The following DCP1B variants were observed in gnomAD, a reference collection of about 807,000 sequenced individuals.
DCP1B encodes the protein decapping mRNA 1B.
A neutral mutation model predicts 60.5 loss-of-function variants in DCP1B; 47 were observed. The ratio of observed to expected loss-of-function variants is 0.78; its 90% CI spans 0.61 to 0.99. The LOEUF is 0.99. DCP1B is among the 50% of genes least tolerant of loss of function. The pLI, the probability that DCP1B is intolerant of heterozygous loss-of-function variation, is 0.00. For missense variants in DCP1B, 725 were observed against 756.8 expected (o/e 0.96, Z 0.49); for synonymous variants, 267 against 280.3 (o/e 0.95, Z 0.47).
chr12:1,969,448 G>GTTC (rs1005550695), intron 3 of DCP1B, among the ~76,000 whole-genome samples: 2 of 152,068 alleles, frequency 1.3e-5, no homozygotes. Flanking sequence ...GTGAAGTGGG[G>GTTC]GGGAAGTAGG....
intron 5 of DCP1B, among the ~76,000 whole-genome samples, chr12:1,958,723 C>T (rs1592785615): frequency 1.4e-5 from 2 of 141,140 alleles, no homozygotes; most frequent in Admixed American, 7.0e-5. Context: ...CAACGTCGCT[C>T]TGGGCAATGA....
In DCP1B at chr12:1,981,198, T is replaced by C. The variant is rs147450551; in HGVS notation, c.319+12066A>G. On this transcript the variant is annotated intron_variant, in intron 3 of 8. Coordinates refer to ENST00000280665, the MANE Select transcript of DCP1B (RefSeq NM_152640.5). Reference sequence around the variant, plus strand: ...TAACCTTGAGAAGCTGAGCGGCTCCTAGGTAAGCTGCTAAAATCACTCACT... The same window carrying C: ...TAACCTTGAGAAGCTGAGCGGCTCCCAGGTAAGCTGCTAAAATCACTCACT... Among the ~76,000 whole-genome samples, 279 of 152,268 alleles carry C rather than the reference T, an allele frequency of 1.8e-3. 4 individuals are homozygous for C. In the East Asian group the frequency reaches 0.043, roughly 24 times the overall value.
chr12:1,972,214 A>G (rs2032590725), intron 3 of DCP1B, among the ~76,000 whole-genome samples: 1 of 152,256 alleles, frequency 6.6e-6, no homozygotes, highest in Non-Finnish European at 1.5e-5. Flanking sequence ...CCAAAATTTA[A>G]AATTCCTTCA....
At chr12:1,975,940 C>T (rs2034208804) in intron 3 of DCP1B, among the ~76,000 whole-genome samples, 1 of 152,158 alleles carries the variant, frequency 6.6e-6, no homozygotes, top group Non-Finnish European at 1.5e-5. Flanking sequence ...GGGTTGTTTA[C>T]TCACACTGTG....
At chr12:1,990,299 C>T (rs967564734) in intron 3 of DCP1B, among the ~76,000 whole-genome samples, 1 of 152,160 alleles carries the variant, frequency 6.6e-6, no homozygotes, top group Non-Finnish European at 1.5e-5. Context: ...GAAATGTTTG[C>T]CCTAACTTTA....
At chr12:1,993,415 G>A (rs746252832) in intron 2 of DCP1B, 24 bp from the exon 3 acceptor site, 21 of 1,603,546 alleles carry the variant, frequency 1.3e-5, no homozygotes, top group Middle Eastern at 1.7e-4. Flanking sequence ...GGAGTCAGGG[G>A]GAAATCAATA....
At chr12:1,989,422 G>GAAAGGA (rs1440197567) in intron 3 of DCP1B, among the ~76,000 whole-genome samples, 2 of 151,936 alleles carry the variant, frequency 1.3e-5, no homozygotes, top group Non-Finnish European at 2.9e-5. Context: ...AAGGGAAAGG[G>GAAAGGA]AAAGGAAAGG....
At chr12:1,986,377 G>A (rs762857233) in intron 3 of DCP1B, among the ~76,000 whole-genome samples, 7 of 152,150 alleles carry the variant, frequency 4.6e-5, no homozygotes, top group Non-Finnish European at 8.8e-5. Flanking sequence ...CGACTACAAA[G>A]TCAGGGTTTA....
At chr12:1,955,154 C>T (rs993161970) in intron 6 of DCP1B, among the ~76,000 whole-genome samples, 7 of 152,202 alleles carry the variant, frequency 4.6e-5, no homozygotes, top group Non-Finnish European at 1.0e-4. Flanking sequence ...ACTGTGCTGG[C>T]TTGTTGTTTT....
chr12:1,952,564 A>G lies in DCP1B; in HGVS notation c.1376T>C (p.Val459Ala), dbSNP rs1311564118. 2.5e-6 allele frequency: 4 copies of G among 1,614,180 alleles called. No individual in the cohort carries two copies. In the South Asian group the frequency reaches 4.4e-5, roughly 18 times the overall value. ...GGCATGCAGCTGCTGCTCCTGCTGT[A>G]CAATCTGAAGCTTCTTCAGTAACTC... ...PQELLKKLQI[V>A]QQEQQLHASN... is the part of the protein sequence containing the mutation. Residue 459 changes from valine (V) to alanine (A), a missense_variant, in exon 7 of 9, where the codon GTA becomes GCA. Physicochemically the swap from Val to Ala is moderately conservative, Grantham distance 64. Transcript: ENST00000280665.
chr12:1,978,271 C>A (rs1021848446), intron 3 of DCP1B, among the ~76,000 whole-genome samples: 2 of 152,154 alleles, frequency 1.3e-5, no homozygotes, highest in Non-Finnish European at 2.9e-5. Context: ...CAGTTGACAT[C>A]AAGCTTTTGG....
chr12:1,946,800 A>G (rs1341125888), intron 8 of DCP1B, among the ~76,000 whole-genome samples: 2 of 152,178 alleles, frequency 1.3e-5, no homozygotes, highest in Non-Finnish European at 2.9e-5. Flanking sequence ...CATGGGTTCA[A>G]GCGATCCTCC....
intron 3 of DCP1B, 22 bp from the exon 4 acceptor site, chr12:1,967,932 C>A (rs77559005): frequency 0.018 from 28,738 of 1,600,860 alleles, 342 homozygotes; most frequent in Non-Finnish European, 0.02. Flanking sequence ...ACACATCAAA[C>A]AAATTATGAG....
At chr12:1,956,914 C>G (rs969595821) in intron 5 of DCP1B, among the ~76,000 whole-genome samples, 6 of 152,218 alleles carry the variant, frequency 3.9e-5, no homozygotes, top group Admixed American at 1.3e-4. Context: ...TTCCCAGCTT[C>G]CCTATGCCCA....
At chr12:1,941,969 GC>G (rs1186524844), downstream of DCP1B, among the ~76,000 whole-genome samples, 1 of 152,156 alleles carries the variant, frequency 6.6e-6, no homozygotes, top group Non-Finnish European at 1.5e-5. Flanking sequence ...TGGGCTAAAT[GC>G]CCCAATTAAA....
In DCP1B at chr12:1,948,134, G is replaced by C. The variant is rs776163327; in HGVS notation, c.1773+952C>G. 6.6e-6 allele frequency among the ~76,000 whole-genome samples: 1 copy of C among 152,230 alleles called. No individual in the cohort carries two copies. Among genetic ancestry groups the C allele is most frequent in the East Asian group, 1.9e-4 (1 of 5,200 alleles). Reference sequence around the variant, plus strand: ...ATCTACCAAAAAGACACCTAAATATGTTAACTGGGGTGTCTGAAGTCTGTC... The same window carrying C: ...ATCTACCAAAAAGACACCTAAATATCTTAACTGGGGTGTCTGAAGTCTGTC... On this transcript the variant is annotated intron_variant, in intron 8 of 8. Transcript: ENST00000280665. The surrounding 1 kb of genome is among the most constrained non-coding windows in gnomAD (Gnocchi z 4.8).
chr12:1,983,071 T>C (rs1219933269), intron 3 of DCP1B, among the ~76,000 whole-genome samples: 1 of 152,098 alleles, frequency 6.6e-6, no homozygotes, highest in Non-Finnish European at 1.5e-5. Context: ...TATTATCCTT[T>C]TAATGTCTGT....
At chr12:1,992,169 A>G (rs1436431298) in intron 3 of DCP1B, 1 of 184,900 alleles carries the variant, frequency 5.4e-6, no homozygotes, top group Non-Finnish European at 1.2e-5. Context: ...ATTTTTCTAT[A>G]TTGCAAAACT....
intron 5 of DCP1B, among the ~76,000 whole-genome samples, chr12:1,958,687 C>A (rs1192822323): frequency 7.9e-5 from 7 of 88,754 alleles, no homozygotes; most frequent in South Asian, 8.5e-4. Flanking sequence ...ATAAACCTCC[C>A]GGAAGGAGAC....
Sources: gnomAD v4.1 joint callset for allele counts (sites outside exome capture counted in the v4.1 genomes callset) on GRCh38, gnomAD v4.1.1 for gene constraint, Gnocchi (gnomAD v3.1) non-coding constraint, MANE v1.5 for transcripts, NCBI Gene and HGNC (gene_info 2026-07-23, HGNC 2026-07-21) for gene names.